The following SLC6A11 variants were observed in gnomAD, a reference collection of about 807,000 sequenced individuals.
SLC6A11 encodes sodium- and chloride-dependent GABA transporter 3.
Under a neutral mutation model 74.8 loss-of-function variants are expected in SLC6A11, and 25 were observed. The observed-to-expected ratio is 0.33, with a 90% CI of 0.24 to 0.47. The LOEUF (loss-of-function observed/expected upper bound fraction) is 0.47, where lower values mean the gene tolerates loss of function less well. Among genes scored for constraint, SLC6A11 ranks in the 20% least tolerant of loss-of-function variants. SLC6A11 has a pLI of 1.00. For missense variants in SLC6A11, 574 were observed against 837.0 expected, an observed-to-expected ratio of 0.69 and a Z score of 3.88; for synonymous variants, 330 against 330.2, an observed-to-expected ratio of 1.00 and a Z score of 0.01.
At chr3:10,836,001 C>T (rs1694362029) in intron 4 of SLC6A11, among the ~76,000 whole-genome samples, 1 of 152,196 alleles carries the variant, frequency 6.6e-6, no homozygotes, top group Non-Finnish European at 1.5e-5. Context: ...TAAATAAGAG[C>T]TCTCTGCCCA....
chr3:10,839,203 A>G lies in SLC6A11; in HGVS notation c.624-5011A>G, dbSNP rs559327230. 8.5e-5 allele frequency among the ~76,000 whole-genome samples: 13 copies of G among 152,254 alleles called. No homozygotes were observed. The East Asian group carries it at 9.7e-4, about 11-fold the overall frequency. On this transcript the variant is annotated intron_variant, in intron 4 of 13. Coordinates refer to ENST00000254488, the MANE Select transcript of SLC6A11 (RefSeq NM_014229.3). The stretch of plus-strand genomic sequence containing the variant: ...CTAGCCCAGTTACACCAACCTGAAA[A>G]CAAAACAAATGTGGATCAAACAACC...
In SLC6A11 at chr3:10,816,295, C is replaced by T. The variant is rs1694054650; in HGVS notation, c.30C>T (p.Gly10=). The T allele has an allele frequency of 1.4e-6, 2 of 1,392,470 alleles. No homozygotes were observed. Among genetic ancestry groups the T allele is most frequent in the Admixed American group, 3.5e-5 (1 of 28,778 alleles). 86.3% of individuals were successfully genotyped at this position (1,392,470 alleles called of 1,614,324 possible). A position where few individuals can be genotyped will look rare whatever the true frequency, so the allele number is the denominator to read the frequency against. The part of the protein sequence containing the change: MTAEKALPL[G]NGKAAEEARE... Reference sequence around the variant, plus strand: ...CGGCGGAGAAGGCGCTGCCCCTGGGCAATGGGAAGGCTGCTGAGGAGGCGC... The same window carrying T: ...CGGCGGAGAAGGCGCTGCCCCTGGGTAATGGGAAGGCTGCTGAGGAGGCGC... Residue 10 remains glycine (G), a synonymous_variant, in exon 1 of 14, where the codon GGC becomes GGT. Coordinates refer to ENST00000254488, the MANE Select transcript of SLC6A11 (RefSeq NM_014229.3). The surrounding 1 kb of genome is among the most constrained non-coding windows in gnomAD (Gnocchi z 4.2).
At chr3:10,905,918 T>C (rs1396247759) in intron 6 of SLC6A11, among the ~76,000 whole-genome samples, 1 of 152,204 alleles carries the variant, frequency 6.6e-6, no homozygotes, top group Non-Finnish European at 1.5e-5. Flanking sequence ...AAGAAAATTT[T>C]AGATCTGGAG....
chr3:10,913,053 C>CTTTT (rs374019258), intron 7 of SLC6A11, among the ~76,000 whole-genome samples: 2 of 136,174 alleles, frequency 1.5e-5, no homozygotes, highest in East Asian at 2.1e-4. Context: ...GGAAGGTTGC[C>CTTTT]TTTTTTTTTT....
chr3:10,869,373 GGACCAC>G (rs2106600145), intron 5 of SLC6A11, among the ~76,000 whole-genome samples: 1 of 152,294 alleles, frequency 6.6e-6, no homozygotes, highest in East Asian at 1.9e-4. Context: ...CATTTTAAAT[GGACCAC>G]TCTGAGCCTC....
intron 1 of SLC6A11, 51 bp from the exon 2 acceptor site, chr3:10,819,414 A>C (rs779321887): frequency 3.2e-6 from 5 of 1,562,160 alleles, no homozygotes; most frequent in Non-Finnish European, 4.3e-6. Flanking sequence ...TCTTGAGCCA[A>C]GTATGAATCG....
chr3:10,835,136 G>GGGGCCAGGGCACAGGT (rs1387462207), intron 4 of SLC6A11, among the ~76,000 whole-genome samples: 17 of 152,216 alleles, frequency 1.1e-4, no homozygotes, highest in Non-Finnish European at 1.9e-4. Flanking sequence ...CCACCTCGGA[G>GGGGCCAGGGCACAGGT]GGGCCAGGGC....
chr3:10,883,851 C>T (rs1032162152), intron 6 of SLC6A11, among the ~76,000 whole-genome samples: 1 of 152,034 alleles, frequency 6.6e-6, no homozygotes, highest in African/African-American at 2.4e-5. Flanking sequence ...GTGGCCCTCA[C>T]TGAGGTGGGG....
chr3:10,851,291 C>T (rs1468663335), intron 5 of SLC6A11, among the ~76,000 whole-genome samples: 1 of 152,074 alleles, frequency 6.6e-6, no homozygotes, highest in Non-Finnish European at 1.5e-5. Context: ...CTCCTATTGC[C>T]ACTTTAAAGG....
rs1239198920 is a variant in SLC6A11 at position 10,873,569 on chromosome 3, CCTACCCTACCCTACG to C, written c.757-1388_757-1374del. ...CCTATCCTACCCTACCCTACCCTAC[CCTACCCTACCCTACG>C]CTATCCTATCCTATCCTATCCTATG... is the stretch of plus-strand genomic sequence containing the variant. On this transcript the variant is annotated intron_variant, in intron 5 of 13. Coordinates refer to ENST00000254488, the MANE Select transcript of SLC6A11 (RefSeq NM_014229.3). Among the ~76,000 whole-genome samples the C allele has an allele frequency of 1.1e-4, 16 of 139,994 alleles. No homozygotes were observed. The South Asian group carries it at 2.4e-3, about 21-fold the overall frequency. The allele number at this position is 139,994 out of a possible 152,430, so 91.8% of individuals were successfully genotyped here.
chr3:10,938,439 T>TC lies in SLC6A11; in HGVS notation c.*43dup, dbSNP rs749375025. 4.5e-6 allele frequency: 7 copies of TC among 1,549,200 alleles called. No homozygotes were observed. Among genetic ancestry groups the TC allele is most frequent in the Non-Finnish European group, 6.1e-6 (7 of 1,139,560 alleles). ...CCATCTGGGGCTCTTCTTCCTTTCT[T>TC]CCCCCCGTGTATGTAAATGAATTCC... is the stretch of plus-strand genomic sequence containing the variant. On this transcript the variant is annotated 3_prime_UTR_variant, in exon 14 of 14. Transcript: ENST00000254488.
intron 7 of SLC6A11, among the ~76,000 whole-genome samples, chr3:10,914,270 G>A (rs1695425889): frequency 6.6e-6 from 1 of 152,160 alleles, no homozygotes; most frequent in Non-Finnish European, 1.5e-5. Context: ...CTCTGACTGG[G>A]GTCTCTCAGT....
intron 4 of SLC6A11, among the ~76,000 whole-genome samples, chr3:10,838,330 C>T (rs908209941): frequency 4.6e-5 from 7 of 152,234 alleles, no homozygotes; most frequent in Non-Finnish European, 8.8e-5. Flanking sequence ...TGTGGGATTC[C>T]AGCCACTGTC....
intron 6 of SLC6A11, among the ~76,000 whole-genome samples, chr3:10,890,250 GGAAATGGA>G (rs1695092064): frequency 6.6e-6 from 1 of 152,208 alleles, no homozygotes; most frequent in South Asian, 2.1e-4. Flanking sequence ...GCCAGGTACT[GGAAATGGA>G]GCAGTCACTC....
At chr3:10,838,372 G>A (rs1694393954) in intron 4 of SLC6A11, among the ~76,000 whole-genome samples, 1 of 152,226 alleles carries the variant, frequency 6.6e-6, no homozygotes, top group Non-Finnish European at 1.5e-5. Flanking sequence ...GAAGGCCTGA[G>A]TGAGAGACAC....
At chr3:10,823,193 G>C (rs767405755) in intron 3 of SLC6A11, 109 bp from the exon 4 acceptor site, 27 of 734,698 alleles carry the variant, frequency 3.7e-5, no homozygotes, top group Non-Finnish European at 6.4e-5. Context: ...TGTTTACCTG[G>C]AGTGGGTAGA....
At chr3:10,885,128 G>A (rs1345981432) in intron 6 of SLC6A11, among the ~76,000 whole-genome samples, 4 of 152,134 alleles carry the variant, frequency 2.6e-5, no homozygotes, top group Non-Finnish European at 5.9e-5. Context: ...ATCCTGGATC[G>A]TACAACCTTC....
intron 1 of SLC6A11, among the ~76,000 whole-genome samples, chr3:10,819,044 G>A (rs1207158516): frequency 1.3e-5 from 2 of 152,206 alleles, no homozygotes; most frequent in African/African-American, 4.8e-5. Flanking sequence ...GTAAAAGGAA[G>A]GGGTGCCCCT....
chr3:10,892,859 C>T (rs1477581148), intron 6 of SLC6A11, among the ~76,000 whole-genome samples: 3 of 152,136 alleles, frequency 2.0e-5, no homozygotes, highest in Non-Finnish European at 4.4e-5. Context: ...ATTAGGATTT[C>T]CCAAGGCTGT....
Sources: gnomAD v4.1 joint callset for allele counts (sites outside exome capture counted in the v4.1 genomes callset) on GRCh38, gnomAD v4.1.1 for gene constraint, Gnocchi (gnomAD v3.1) non-coding constraint, MANE v1.5 for transcripts, NCBI Gene and HGNC (gene_info 2026-07-23, HGNC 2026-07-21) for gene names.